The following RIMS2 variants were observed in gnomAD, a reference collection of about 807,000 sequenced individuals.
RIMS2 encodes regulating synaptic membrane exocytosis protein 2.
RIMS2 carries 59 observed loss-of-function variants against 174.4 expected under a neutral mutation model. That is an observed-to-expected ratio of 0.34 (90% CI 0.27 to 0.42). The LOEUF (loss-of-function observed/expected upper bound fraction) is 0.42, where lower values mean the gene tolerates loss of function less well. Among genes scored for constraint, RIMS2 ranks in the 10% least tolerant of loss-of-function variants. The probability of loss-of-function intolerance (pLI) is 1.00; values close to 1 mark genes in which losing one functional copy is unlikely to be tolerated. For missense variants in RIMS2, 1,620 were observed against 1,666.3 expected, an observed-to-expected ratio of 0.97 and a Z score of 0.48; for synonymous variants, 606 against 572.5, an observed-to-expected ratio of 1.06 and a Z score of -0.84.
At chr8:103,897,067 T>C (rs1360846345) in intron 4 of RIMS2, among the ~76,000 whole-genome samples, 2 of 151,692 alleles carry the variant, frequency 1.3e-5, no homozygotes, top group African/African-American at 4.9e-5. Context: ...TACATCTTTT[T>C]TTCCCCTTAT....
chr8:103,617,139 C>T (rs776250126), intron 1 of RIMS2, among the ~76,000 whole-genome samples: 1 of 152,134 alleles, frequency 6.6e-6, no homozygotes, highest in African/African-American at 2.4e-5. Flanking sequence ...CTACAGTAAC[C>T]AACCAGCATG....
chr8:104,044,590 T>A (rs2096662274), intron 19 of RIMS2, among the ~76,000 whole-genome samples: 2 of 151,664 alleles, frequency 1.3e-5, no homozygotes, highest in Non-Finnish European at 3.0e-5. Flanking sequence ...GCAAAAATGT[T>A]TTATTGTCTT....
At chr8:104,222,464 G>A (rs192165768) in intron 19 of RIMS2, among the ~76,000 whole-genome samples, 165 of 152,220 alleles carry the variant, frequency 1.1e-3, no homozygotes, top group African/African-American at 3.6e-3. Flanking sequence ...TATTACACAC[G>A]CCCAGTGATC....
At chr8:103,758,801 AACTT>A (rs1195697866) in intron 2 of RIMS2, among the ~76,000 whole-genome samples, 2 of 152,248 alleles carry the variant, frequency 1.3e-5, no homozygotes, top group Non-Finnish European at 2.9e-5. Flanking sequence ...GGCATAAAAC[AACTT>A]ACTTACAAAT....
At chr8:104,015,521 T>C in intron 19 of RIMS2, 1 of 615,242 alleles carries the variant, frequency 1.6e-6, no homozygotes, top group Non-Finnish European at 2.9e-6. Context: ...TAAGCAAAAA[T>C]AAACCCAACT....
intron 3 of RIMS2, among the ~76,000 whole-genome samples, chr8:103,818,804 A>G (rs1207310301): frequency 6.6e-6 from 1 of 152,226 alleles, no homozygotes; most frequent in Non-Finnish European, 1.5e-5. Context: ...AAATTAAAAC[A>G]CCTAAGTACA....
intron 19 of RIMS2, among the ~76,000 whole-genome samples, chr8:104,078,934 C>T (rs996845281): frequency 5.9e-5 from 9 of 151,886 alleles, no homozygotes; most frequent in Non-Finnish European, 1.3e-4. Flanking sequence ...ATATGACTCG[C>T]GTAGCCATAA....
At chr8:104,062,801 T>C (rs898723837) in intron 19 of RIMS2, among the ~76,000 whole-genome samples, 1 of 152,166 alleles carries the variant, frequency 6.6e-6, no homozygotes, top group African/African-American at 2.4e-5. Context: ...CATTATTTTC[T>C]TTATCTTCTT....
chr8:104,153,990 T>C (rs764390174), intron 19 of RIMS2, among the ~76,000 whole-genome samples: 4 of 152,114 alleles, frequency 2.6e-5, no homozygotes, highest in Non-Finnish European at 4.4e-5. Context: ...GATGGGAGCA[T>C]GTAAAGAAAA....
At chr8:103,680,798 A>C (rs2136681222) in intron 1 of RIMS2, among the ~76,000 whole-genome samples, 1 of 152,082 alleles carries the variant, frequency 6.6e-6, no homozygotes, top group South Asian at 2.1e-4. Flanking sequence ...AATACCTATC[A>C]AATCAGCAAA....
chr8:103,697,173 T>G, exon 2 of RIMS2: 1 of 1,613,704 alleles, frequency 6.2e-7, no homozygotes, highest in Middle Eastern at 1.7e-4. Context: ...AGAAGGGTGA[T>G]GCGCCAACCT....
At chr8:103,826,177 C>G (rs2098789801) in intron 3 of RIMS2, among the ~76,000 whole-genome samples, 1 of 151,920 alleles carries the variant, frequency 6.6e-6, no homozygotes, top group African/African-American at 2.4e-5. Context: ...CTGTGGTTTG[C>G]CTGTTTATTT....
At chr8:104,193,219 G>A (rs1027779168) in intron 19 of RIMS2, among the ~76,000 whole-genome samples, 2 of 150,088 alleles carry the variant, frequency 1.3e-5, no homozygotes, top group Admixed American at 6.7e-5. Flanking sequence ...GTTTGTGTAT[G>A]CATTTTAATT....
At chr8:103,632,716 C>T (rs71520840) in intron 1 of RIMS2, among the ~76,000 whole-genome samples, 10 of 145,562 alleles carry the variant, frequency 6.9e-5, no homozygotes, top group Non-Finnish European at 1.3e-4. Context: ...CCACTGCGCC[C>T]GGCCATATTT....
chr8:103,813,574 C>T lies in RIMS2; in HGVS notation c.698+47037C>T, dbSNP rs571393277. ...CGCCTCTCCCACCCCACGACAGGCC[C>T]CAGTGTGTGATGTTCCCCCACCCTG... On this transcript the variant is annotated intron_variant, in intron 3 of 23. Transcript: ENST00000504942. Among the ~76,000 whole-genome samples the T allele has an allele frequency of 4.6e-5, 7 of 152,184 alleles. No individual in the cohort carries two copies. The South Asian group carries it at 1.5e-3, about 32-fold the overall frequency.
At chr8:103,935,012 G>A (rs574607780) in intron 12 of RIMS2, among the ~76,000 whole-genome samples, 17 of 151,956 alleles carry the variant, frequency 1.1e-4, no homozygotes, top group Admixed American at 2.0e-4. Flanking sequence ...AACCATTCTC[G>A]AATTAAATAG....
chr8:103,994,354 G>A (rs184443024), intron 17 of RIMS2, among the ~76,000 whole-genome samples: 54 of 152,174 alleles, frequency 3.5e-4, no homozygotes, highest in Admixed American at 3.1e-3. Flanking sequence ...ATGAGCCTTA[G>A]AATCTATGAC....
chr8:103,625,530 T>C (rs961222347), intron 1 of RIMS2, among the ~76,000 whole-genome samples: 7 of 152,170 alleles, frequency 4.6e-5, no homozygotes, highest in South Asian at 2.1e-4. Flanking sequence ...TGCTTTCCCA[T>C]GTATTAATTT....
At chr8:103,733,734 C>G (rs555444789) in intron 2 of RIMS2, among the ~76,000 whole-genome samples, 1 of 152,166 alleles carries the variant, frequency 6.6e-6, no homozygotes, top group Admixed American at 6.5e-5. Flanking sequence ...AATCACTGTT[C>G]TCTCCCTCCT....
Sources: gnomAD v4.1 joint callset for allele counts (sites outside exome capture counted in the v4.1 genomes callset) on GRCh38, gnomAD v4.1.1 for gene constraint, MANE v1.5 for transcripts, NCBI Gene and HGNC (gene_info 2026-07-23, HGNC 2026-07-21) for gene names.